Variants in KLF12 observed in about 807,000 individuals in gnomAD.
The protein encoded by KLF12 is Krueppel-like factor 12.
A neutral mutation model predicts 37.8 loss-of-function variants in KLF12; 9 were observed. The observed-to-expected ratio is 0.24, with a 90% CI of 0.14 to 0.42. KLF12 has a LOEUF of 0.42. Ranked by LOEUF, KLF12 falls within the 10% of genes least tolerant of loss-of-function variation. The pLI is 1.00. For missense variants in KLF12, 411 were observed against 516.0 expected, an observed-to-expected ratio of 0.80 and a Z score of 1.97; for synonymous variants, 208 against 202.1, an observed-to-expected ratio of 1.03 and a Z score of -0.25.
intron 6 of KLF12, among the ~76,000 whole-genome samples, chr13:73,736,387 A>G (rs745628266): frequency 1.3e-5 from 2 of 152,208 alleles, no homozygotes; most frequent in African/African-American, 4.8e-5. Flanking sequence ...TTATCAACAT[A>G]ATAAATATTT....
chr13:74,096,539 G>A (rs537587486), intron 1 of KLF12, among the ~76,000 whole-genome samples: 116 of 152,178 alleles, frequency 7.6e-4, no homozygotes, highest in Non-Finnish European at 1.3e-3. Context: ...TCTCTTCAGA[G>A]AAACTATTTT....
intron 2 of KLF12, among the ~76,000 whole-genome samples, chr13:73,985,026 TTA>T (rs201792482): frequency 0.47 from 25,643 of 54,772 alleles, 3,240 homozygotes; most frequent in South Asian, 0.54. Flanking sequence ...CTGCCTGGTG[TTA>T]TCCCCCCACC....
chr13:73,921,235 T>C (rs552935517), intron 3 of KLF12, among the ~76,000 whole-genome samples: 2 of 152,238 alleles, frequency 1.3e-5, no homozygotes, highest in African/African-American at 4.8e-5. Flanking sequence ...GTGATTCCTG[T>C]GTACTGACCC....
intron 6 of KLF12, among the ~76,000 whole-genome samples, chr13:73,758,618 G>A (rs541395151): frequency 5.3e-5 from 8 of 152,226 alleles, no homozygotes; most frequent in East Asian, 3.9e-4. Flanking sequence ...GTTCTGAGCC[G>A]CAGGTTGATA....
At chr13:74,269,856 G>A in the KLF12 span, among the ~76,000 whole-genome samples, 7 of 152,194 alleles carry the variant, frequency 4.6e-5, no homozygotes, top group Non-Finnish European at 7.3e-5. Flanking sequence ...GAATATGGGA[G>A]AAGGGACACA....
intron 3 of KLF12, among the ~76,000 whole-genome samples, chr13:73,895,657 G>GGATA (rs1887730190): frequency 6.6e-6 from 1 of 152,056 alleles, no homozygotes; most frequent in Non-Finnish European, 1.5e-5. Flanking sequence ...GGAAGGTCAA[G>GGATA]GATACATCAG....
chr13:73,981,700 T>C (rs988295067), intron 2 of KLF12, among the ~76,000 whole-genome samples: 4 of 152,150 alleles, frequency 2.6e-5, no homozygotes, highest in Non-Finnish European at 5.9e-5. Flanking sequence ...AATCCTAATC[T>C]CCACTGCAGT....
At chr13:74,237,685 T>A in the KLF12 span, among the ~76,000 whole-genome samples, 15 of 151,978 alleles carry the variant, frequency 9.9e-5, no homozygotes, top group African/African-American at 3.4e-4. Context: ...TTCCTAGGTA[T>A]TTTATTCTCT....
chr13:74,225,570 T>C, the KLF12 span, among the ~76,000 whole-genome samples: 2 of 152,164 alleles, frequency 1.3e-5, no homozygotes, highest in Non-Finnish European at 2.9e-5. Context: ...CATTCATTTA[T>C]TGAACACATG....
intron 1 of KLF12, among the ~76,000 whole-genome samples, chr13:74,073,257 T>C (rs1345752264): frequency 1.3e-5 from 2 of 152,198 alleles, no homozygotes; most frequent in Admixed American, 1.3e-4. Context: ...GACTGATTTT[T>C]TTTTCTTTTT....
chr13:73,776,728 T>A (rs1038742202), intron 5 of KLF12, among the ~76,000 whole-genome samples: 3 of 152,212 alleles, frequency 2.0e-5, no homozygotes, highest in African/African-American at 7.2e-5. Flanking sequence ...TGGTTATTAC[T>A]ATATTAACAA....
At chr13:74,230,781 C>T in the KLF12 span, among the ~76,000 whole-genome samples, 2 of 152,190 alleles carry the variant, frequency 1.3e-5, no homozygotes, top group African/African-American at 4.8e-5. Flanking sequence ...TTCTCTAAAC[C>T]TGGTGCTTGT....
chr13:73,980,332 T>G (rs1891659008), intron 2 of KLF12, among the ~76,000 whole-genome samples: 1 of 152,206 alleles, frequency 6.6e-6, no homozygotes, highest in Admixed American at 6.5e-5. Context: ...TTTATGCACA[T>G]TCTTCCAAAA....
At chr13:73,834,439 T>G (rs778438356) in intron 4 of KLF12, among the ~76,000 whole-genome samples, 1 of 152,246 alleles carries the variant, frequency 6.6e-6, no homozygotes, top group Non-Finnish European at 1.5e-5. Flanking sequence ...TAAGTTTTCC[T>G]ACATTCTGTT....
intron 1 of KLF12, among the ~76,000 whole-genome samples, chr13:74,021,130 G>A (rs1049541905): frequency 1.3e-5 from 2 of 151,990 alleles, no homozygotes; most frequent in African/African-American, 4.8e-5. Flanking sequence ...AAAAGGAGAC[G>A]TCAAAAGAAA....
At chr13:74,171,628 T>C in the KLF12 span, among the ~76,000 whole-genome samples, 1 of 152,212 alleles carries the variant, frequency 6.6e-6, no homozygotes, top group African/African-American at 2.4e-5. Flanking sequence ...TTTATAGTAG[T>C]TATTTTCATC....
chr13:73,809,576 T>C, intron 5 of KLF12, among the ~76,000 whole-genome samples: 1 of 121,188 alleles, frequency 8.3e-6, no homozygotes, highest in East Asian at 3.2e-4. Flanking sequence ...CTTCTGTCAT[T>C]TGATCTATGT....
chr13:74,144,862 A>G, the KLF12 span, among the ~76,000 whole-genome samples: 1 of 152,248 alleles, frequency 6.6e-6, no homozygotes, highest in South Asian at 2.1e-4. Flanking sequence ...GGGCAACTGT[A>G]TTTTCTCAAA....
chr13:74,133,712 T>C (rs1015961397), intron 1 of KLF12, among the ~76,000 whole-genome samples: 10 of 151,872 alleles, frequency 6.6e-5, no homozygotes, highest in Non-Finnish European at 1.3e-4. Context: ...GTTGTTTATT[T>C]TGATAAGAAA....
Sources: gnomAD v4.1 joint callset for allele counts (sites outside exome capture counted in the v4.1 genomes callset) on GRCh38, gnomAD v4.1.1 for gene constraint, MANE v1.5 for transcripts, NCBI Gene and HGNC (gene_info 2026-07-23, HGNC 2026-07-21) for gene names.